The following ADGRL3 variants were observed in gnomAD, a reference collection of about 807,000 sequenced individuals.
The protein encoded by ADGRL3 is calcium-independent alpha-latrotoxin receptor 3.
Under a neutral mutation model 153.5 loss-of-function variants are expected in ADGRL3, and 62 were observed. That is an observed-to-expected ratio of 0.40 (90% confidence interval 0.33 to 0.50). ADGRL3 has a LOEUF of 0.50. Ranked by LOEUF, ADGRL3 falls within the 20% of genes least tolerant of loss-of-function variation. The pLI, the probability that ADGRL3 is intolerant of heterozygous loss-of-function variation, is 0.47. For synonymous variants in ADGRL3, 710 were observed against 672.5 expected (o/e 1.06, Z -0.86); for missense variants, 1,641 against 1,859.4 (o/e 0.88, Z 2.16).
chr4:61,273,089 G>A (rs1182483555), intron 1 of ADGRL3, among the ~76,000 whole-genome samples: 1 of 152,134 alleles, frequency 6.6e-6, no homozygotes, highest in Non-Finnish European at 1.5e-5. Flanking sequence ...TGAGTTTTAT[G>A]TAAATGCTTA....
intron 1 of ADGRL3, among the ~76,000 whole-genome samples, chr4:61,281,406 TA>T (rs1390765867): frequency 6.6e-6 from 1 of 152,182 alleles, no homozygotes; most frequent in Non-Finnish European, 1.5e-5. Context: ...CTCTCGCACA[TA>T]AAACTGTAGG....
At chr4:61,648,848 G>C (rs1300986183) in intron 5 of ADGRL3, among the ~76,000 whole-genome samples, 8 of 151,974 alleles carry the variant, frequency 5.3e-5, no homozygotes, top group Admixed American at 5.2e-4. Flanking sequence ...AGAAATTGAG[G>C]CCTAATGGAT....
At chr4:61,441,396 G>A (rs1039717317) in intron 2 of ADGRL3, among the ~76,000 whole-genome samples, 2 of 152,132 alleles carry the variant, frequency 1.3e-5, no homozygotes, top group Non-Finnish European at 2.9e-5. Flanking sequence ...CATGCCAACA[G>A]ATAGTGGATA....
chr4:61,622,735 G>A (rs1460417915), intron 5 of ADGRL3, among the ~76,000 whole-genome samples: 2 of 151,928 alleles, frequency 1.3e-5, no homozygotes, highest in Non-Finnish European at 2.9e-5. Context: ...TTAAAACGAG[G>A]AAAATTGATC....
intron 1 of ADGRL3, among the ~76,000 whole-genome samples, chr4:61,309,550 T>C (rs1178067188): frequency 1.3e-5 from 2 of 152,066 alleles, no homozygotes; most frequent in Non-Finnish European, 2.9e-5. Flanking sequence ...TAATAAATTA[T>C]CTATAGTATA....
intron 1 of ADGRL3, among the ~76,000 whole-genome samples, chr4:61,214,580 G>A (rs1032671004): frequency 1.3e-5 from 2 of 152,194 alleles, no homozygotes; most frequent in African/African-American, 4.8e-5. Flanking sequence ...CTTATAATGA[G>A]TAAACATGAA....
chr4:61,938,521 G>A (rs563501085), intron 15 of ADGRL3, among the ~76,000 whole-genome samples: 1 of 152,100 alleles, frequency 6.6e-6, no homozygotes, highest in African/African-American at 2.4e-5. Context: ...ATCAGTCCCA[G>A]AAGATATACT....
intron 5 of ADGRL3, among the ~76,000 whole-genome samples, 167 bp downstream of exon 5, chr4:61,587,607 A>G (rs921783903): frequency 1.3e-5 from 2 of 152,132 alleles, no homozygotes; most frequent in Non-Finnish European, 2.9e-5. Context: ...TGCTAATTGC[A>G]AACAGCATTT....
chr4:61,860,110 T>C (rs1325878315), intron 9 of ADGRL3, among the ~76,000 whole-genome samples: 1 of 152,178 alleles, frequency 6.6e-6, no homozygotes. Flanking sequence ...CAGAGTTCCT[T>C]GTAGACAGTC....
chr4:61,807,324 AT>A (rs796462202), intron 8 of ADGRL3, among the ~76,000 whole-genome samples: 138 of 82,380 alleles, frequency 1.7e-3, no homozygotes, highest in African/African-American at 6.3e-3. Context: ...AATTGCTCTA[AT>A]TTTTTTTAAC....
chr4:61,842,865 A>G (rs1238416927), intron 9 of ADGRL3, among the ~76,000 whole-genome samples: 1 of 152,188 alleles, frequency 6.6e-6, no homozygotes, highest in Non-Finnish European at 1.5e-5. Context: ...CATATAGTCT[A>G]CACTGAAGAT....
chr4:61,385,572 T>A (rs1214070098), intron 2 of ADGRL3: 1 of 152,154 alleles, frequency 6.6e-6, no homozygotes, highest in Non-Finnish European at 1.5e-5. Flanking sequence ...AGTGAACTGC[T>A]CCCACCTTTC....
chr4:62,041,830 T>C (rs866572996), intron 24 of ADGRL3, among the ~76,000 whole-genome samples: 1 of 152,108 alleles, frequency 6.6e-6, no homozygotes, highest in Middle Eastern at 3.2e-3. Context: ...CCTGCAATAC[T>C]TCTCCTTTTT....
chr4:61,479,649 T>C (rs1290704066), intron 2 of ADGRL3, among the ~76,000 whole-genome samples: 1 of 152,150 alleles, frequency 6.6e-6, no homozygotes, highest in Non-Finnish European at 1.5e-5. Context: ...AAGCCTTGAT[T>C]AAAGTTATTA....
chr4:61,458,760 T>A (rs1334511591), intron 2 of ADGRL3, among the ~76,000 whole-genome samples: 1 of 151,500 alleles, frequency 6.6e-6, no homozygotes, highest in Non-Finnish European at 1.5e-5. Context: ...ACATTTTAGG[T>A]TATTAGATAT....
chr4:61,790,575 C>T (rs191342682), intron 8 of ADGRL3, among the ~76,000 whole-genome samples: 4 of 152,304 alleles, frequency 2.6e-5, no homozygotes, highest in East Asian at 3.9e-4. Flanking sequence ...GTCTCTCTCA[C>T]TCTTTCTCTC....
chr4:61,643,427 T>G lies in ADGRL3; in HGVS notation c.474-33399T>G, dbSNP rs1166963113. On this transcript the variant is annotated intron_variant, in intron 5 of 26. Coordinates refer to ENST00000683033, the MANE Select transcript of ADGRL3 (RefSeq NM_001387552.1). ...TCAGTATGATATTGGCTGTGGGTTTTTCATAGATAGCTCTTATTATTTTGA... is the reference window on the plus strand; with the variant it reads ...TCAGTATGATATTGGCTGTGGGTTTGTCATAGATAGCTCTTATTATTTTGA... Among the ~76,000 whole-genome samples, 557 of 151,020 alleles carry G rather than the reference T, an allele frequency of 3.7e-3. 5 individuals are homozygous for G. The highest frequency in any genetic ancestry group is 0.012 in the African/African-American group (492 of 40,736).
intron 6 of ADGRL3, among the ~76,000 whole-genome samples, chr4:61,694,722 A>C (rs913134847): frequency 6.6e-6 from 1 of 152,166 alleles, no homozygotes; most frequent in African/African-American, 2.4e-5. Context: ...CCCTTTCACA[A>C]AAGATTTATT....
At chr4:61,411,960 G>A (rs1299366370) in intron 2 of ADGRL3, among the ~76,000 whole-genome samples, 3 of 152,194 alleles carry the variant, frequency 2.0e-5, no homozygotes, top group Non-Finnish European at 2.9e-5. Context: ...AGTTAACAAT[G>A]TGTTAACCCT....
Sources: allele counts gnomAD v4.1 joint callset (sites outside exome capture counted in the v4.1 genomes callset), GRCh38; gene constraint gnomAD v4.1.1; transcripts MANE v1.5; gene names NCBI Gene and HGNC (gene_info 2026-07-23, HGNC 2026-07-21).